The following RTN4IP1 variants were observed in gnomAD, a reference collection of about 807,000 sequenced individuals.
RTN4IP1 encodes the protein reticulon 4 interacting protein 1.
Under a neutral mutation model 46.6 loss-of-function variants are expected in RTN4IP1, and 32 were observed. The ratio of observed to expected loss-of-function variants is 0.69; its 90% CI spans 0.52 to 0.92. The LOEUF (loss-of-function observed/expected upper bound fraction) is 0.92. RTN4IP1 is among the 40% of genes least tolerant of loss of function. The probability of loss-of-function intolerance (pLI) is 0.00; values close to 1 mark genes in which losing one functional copy is unlikely to be tolerated. For missense variants in RTN4IP1, 424 were observed against 485.8 expected (o/e 0.87, Z 1.20); for synonymous variants, 167 against 161.8 (o/e 1.03, Z -0.24).
chr6:106,575,267 C>T lies in RTN4IP1; in HGVS notation c.1084-3164G>A, dbSNP rs904668126. On this transcript the variant is annotated intron_variant, in intron 8 of 8. Transcript: ENST00000369063. Reference sequence around the variant, plus strand: ...CCATGCTTCCCACTGCGCAGACACACGAGGCTCACAGCCGGCCAGGGACGC... The same window carrying T: ...CCATGCTTCCCACTGCGCAGACACATGAGGCTCACAGCCGGCCAGGGACGC... Among the ~76,000 whole-genome samples the T allele has an allele frequency of 6.6e-5, 10 of 152,186 alleles. No individual in the cohort carries two copies. In the South Asian group the frequency reaches 1.2e-3, roughly 19 times the overall value.
chr6:106,614,097 T>G (rs1776292431), intron 4 of RTN4IP1, among the ~76,000 whole-genome samples: 1 of 152,228 alleles, frequency 6.6e-6, no homozygotes, highest in Non-Finnish European at 1.5e-5. Context: ...GTCACAGGCG[T>G]GTCCTTAACC....
intron 6 of RTN4IP1, 33 bp from the exon 7 acceptor site, chr6:106,587,895 G>C (rs1465599211): frequency 6.3e-7 from 1 of 1,576,058 alleles, no homozygotes; most frequent in Non-Finnish European, 8.6e-7. Flanking sequence ...AAACATGGTT[G>C]TCAGGCTTTA....
At chr6:106,614,767 A>T (rs1776307549) in intron 4 of RTN4IP1, among the ~76,000 whole-genome samples, 1 of 152,202 alleles carries the variant, frequency 6.6e-6, no homozygotes, top group Admixed American at 6.5e-5. Flanking sequence ...TAAGTCACTT[A>T]AGTTAGCTAC....
chr6:106,620,640 C>T (rs779289646), intron 3 of RTN4IP1, among the ~76,000 whole-genome samples: 1 of 152,016 alleles, frequency 6.6e-6, no homozygotes, highest in East Asian at 1.9e-4. Context: ...TTGCATAGCT[C>T]TATCTGTTGC....
chr6:106,619,161 A>T (rs759683589), intron 4 of RTN4IP1, 41 bp downstream of exon 4: 1 of 1,606,308 alleles, frequency 6.2e-7, no homozygotes, highest in Non-Finnish European at 8.5e-7. Context: ...ACAGAAGGAA[A>T]GAAAAGAGGT....
At chr6:106,595,025 C>T (rs1392281545) in intron 5 of RTN4IP1, among the ~76,000 whole-genome samples, 1 of 152,176 alleles carries the variant, frequency 6.6e-6, no homozygotes, top group Non-Finnish European at 1.5e-5. Flanking sequence ...TGGTCTTGAA[C>T]TCCTGAGCTC....
chr6:106,605,816 C>A (rs1215546485), intron 4 of RTN4IP1, among the ~76,000 whole-genome samples: 1,828 of 4,396 alleles, frequency 0.42, 212 homozygotes, highest in East Asian at 0.53. Flanking sequence ...GACTCTGTCC[C>A]AAAAAAAAAA....
intron 8 of RTN4IP1, among the ~76,000 whole-genome samples, chr6:106,576,522 C>T (rs1775231247): frequency 6.6e-6 from 1 of 152,166 alleles, no homozygotes; most frequent in Non-Finnish European, 1.5e-5. Flanking sequence ...CTAATCACTA[C>T]ATTCTTTCTA....
At chr6:106,605,882 G>C (rs1022571194) in intron 4 of RTN4IP1, among the ~76,000 whole-genome samples, 1 of 148,578 alleles carries the variant, frequency 6.7e-6, no homozygotes, top group African/African-American at 2.5e-5. Flanking sequence ...GCTCACCCAG[G>C]AACAAAGCCA....
At chr6:106,599,392 ACCT>A (rs1395286135) in intron 5 of RTN4IP1, among the ~76,000 whole-genome samples, 2 of 149,486 alleles carry the variant, frequency 1.3e-5, no homozygotes, top group Non-Finnish European at 3.0e-5. Flanking sequence ...CCCAATTAAA[ACCT>A]CCTCAACTCC....
chr6:106,611,054 A>C lies in RTN4IP1; in HGVS notation c.621-8132T>G, dbSNP rs145089583. ...AACCCCCTTAGCTGCCTTACAAAAA[A>C]AAAAACAAAAACACGAAACATGCTA... On this transcript the variant is annotated intron_variant, in intron 4 of 8. Coordinates refer to ENST00000369063, the MANE Select transcript of RTN4IP1 (RefSeq NM_032730.5). Among the ~76,000 whole-genome samples the C allele has an allele frequency of 2.4e-4, 37 of 151,810 alleles. No homozygotes were observed. The East Asian group carries it at 4.2e-3, about 17-fold the overall frequency.
At chr6:106,613,054 T>C (rs1051264544) in intron 4 of RTN4IP1, among the ~76,000 whole-genome samples, 1 of 152,218 alleles carries the variant, frequency 6.6e-6, no homozygotes, top group Non-Finnish European at 1.5e-5. Flanking sequence ...GTAACAGACA[T>C]GTTTTTGTAA....
intron 4 of RTN4IP1, among the ~76,000 whole-genome samples, chr6:106,605,849 T>C (rs1307391367): frequency 8.5e-6 from 1 of 117,122 alleles, no homozygotes; most frequent in African/African-American, 3.4e-5. Flanking sequence ...AAAAAAGAAA[T>C]CATACAGAGA....
chr6:106,589,438 C>T (rs1469401092), intron 6 of RTN4IP1, among the ~76,000 whole-genome samples: 2 of 151,698 alleles, frequency 1.3e-5, no homozygotes. Context: ...AAAGTGTCTA[C>T]TTCATTTCCA....
chr6:106,599,545 G>C (rs7770930), intron 5 of RTN4IP1, among the ~76,000 whole-genome samples: 118,586 of 151,460 alleles, frequency 0.78, 47,882 homozygotes, highest in Non-Finnish European at 0.89. Context: ...TAAATGGAAC[G>C]ATATAGGATG....
At chr6:106,576,460 T>C (rs1471218338) in intron 8 of RTN4IP1, among the ~76,000 whole-genome samples, 1 of 152,232 alleles carries the variant, frequency 6.6e-6, no homozygotes, top group African/African-American at 2.4e-5. Context: ...CATGAGATAC[T>C]TGCCACATCA....
At position 106,587,682 on chromosome 6, in the gene RTN4IP1, T is replaced by C. The variant is rs1775519120; in HGVS notation, c.987A>G (p.Leu329=). The C allele has an allele frequency of 4.4e-6, 7 of 1,608,716 alleles. No individual in the cohort carries two copies. The highest frequency in any genetic ancestry group is 5.9e-6 in the Non-Finnish European group (7 of 1,177,166). Residue 329 remains leucine, a synonymous_variant, in exon 7 of 9, where the codon TTA becomes TTG. Transcript: ENST00000369063. ...CAACCAAGACCCTTCTTCCTACCTTTAATGCCTTTGAACCTACAGTGACTC... is the reference window on the plus strand; with the variant it reads ...CAACCAAGACCCTTCTTCCTACCTTCAATGCCTTTGAACCTACAGTGACTC... The part of the protein sequence containing the change: ...QTGVTVGSKA[L]KHFWKGVHYR...
At chr6:106,596,237 G>C (rs1195292930) in intron 5 of RTN4IP1, among the ~76,000 whole-genome samples, 2 of 152,130 alleles carry the variant, frequency 1.3e-5, no homozygotes, top group African/African-American at 2.4e-5. Context: ...AGTGAGAAAT[G>C]ATATTTCAAG....
intron 5 of RTN4IP1, among the ~76,000 whole-genome samples, chr6:106,599,496 A>T (rs1775888450): frequency 6.7e-6 from 1 of 149,890 alleles, no homozygotes; most frequent in African/African-American, 2.5e-5. Context: ...CACCACCCTT[A>T]AACACCACTG....
Sources: allele counts gnomAD v4.1 joint callset (sites outside exome capture counted in the v4.1 genomes callset), GRCh38; gene constraint gnomAD v4.1.1; transcripts MANE v1.5; gene names NCBI Gene and HGNC (gene_info 2026-07-23, HGNC 2026-07-21).